The following RDH12 variants were observed in gnomAD, a reference collection of about 807,000 sequenced individuals.
RDH12 encodes all-trans and 9-cis retinol dehydrogenase.
A neutral mutation model predicts 34.0 loss-of-function variants in RDH12; 21 were observed. That is an observed-to-expected ratio of 0.62 (90% CI 0.44 to 0.89). RDH12 has a LOEUF of 0.89. Among genes scored for constraint, RDH12 ranks in the 40% least tolerant of loss-of-function variants. RDH12 has a pLI of 0.00. For synonymous variants in RDH12, 198 were observed against 169.9 expected, an observed-to-expected ratio of 1.17 and a Z score of -1.29; for missense variants, 394 against 398.6, an observed-to-expected ratio of 0.99 and a Z score of 0.10.
chr14:67,704,715 A>G lies in RDH12; in HGVS notation c.-275+2780A>G, dbSNP rs76336046. Among the ~76,000 whole-genome samples, 401 of 152,352 alleles carry G rather than the reference A, an allele frequency of 2.6e-3. 1 individual carries two copies. Among genetic ancestry groups the G allele is most frequent in the African/African-American group, 8.8e-3 (368 of 41,590 alleles). On this transcript the variant is annotated intron_variant, in intron 1 of 8. Transcript: ENST00000551171. Reference sequence around the variant, plus strand: ...AAGGTCTCACCCCAAATCACCAGGGAAACAATTTACAAAGCTTCTATTTTA... The same window carrying G: ...AAGGTCTCACCCCAAATCACCAGGGGAACAATTTACAAAGCTTCTATTTTA...
intron 7 of RDH12, among the ~76,000 whole-genome samples, chr14:67,728,986 T>C (rs539701533): frequency 8.5e-5 from 13 of 152,266 alleles, no homozygotes; most frequent in Middle Eastern, 3.4e-3. Context: ...TTTTGGAACA[T>C]AGAAGGCTGA....
chr14:67,713,261 C>CA (rs1299684433), intron 1 of RDH12, among the ~76,000 whole-genome samples: 1 of 146,942 alleles, frequency 6.8e-6, no homozygotes, highest in African/African-American at 2.5e-5. Flanking sequence ...AACAAACAAA[C>CA]AAACAAAAAA....
At chr14:67,716,155 C>CAG (rs1343901580) in intron 1 of RDH12, among the ~76,000 whole-genome samples, 2 of 151,234 alleles carry the variant, frequency 1.3e-5, no homozygotes, top group African/African-American at 4.9e-5. Flanking sequence ...CGAGATCACG[C>CAG]CACTGCACTC....
intron 8 of RDH12, among the ~76,000 whole-genome samples, chr14:67,730,788 G>T (rs1373673128): frequency 2.0e-5 from 3 of 152,042 alleles, no homozygotes; most frequent in African/African-American, 7.2e-5. Context: ...ATTTTTAGTC[G>T]AGATGGGCTT....
At position 67,727,376 on chromosome 14, in the gene RDH12, G is replaced by C. The variant is rs60476423; in HGVS notation, c.658+186G>C. 0.091 allele frequency: 55,888 copies of C among 615,380 alleles called. 2,740 individuals are homozygous for C. The highest frequency in any genetic ancestry group is 0.18 in the Middle Eastern group (421 of 2,304). The allele number at this position is 615,380 out of a possible 1,614,324, so 38.1% of individuals were successfully genotyped here. On this transcript the variant is annotated intron_variant, in intron 7 of 8. Transcript: ENST00000551171. ...CCCAGGGAGCTTAAAATCAAATAGG[G>C]GTTAAGAACCTCAAAAAGTTACCTT...
At chr14:67,728,338 T>G (rs1036915406) in intron 7 of RDH12, 1 of 152,344 alleles carries the variant, frequency 6.6e-6, no homozygotes, top group Admixed American at 6.5e-5. Flanking sequence ...GCAACATTCC[T>G]GTGAGGTGGG....
At chr14:67,730,312 C>T (rs1006097611) in intron 8 of RDH12, among the ~76,000 whole-genome samples, 2 of 152,210 alleles carry the variant, frequency 1.3e-5, no homozygotes, top group Non-Finnish European at 2.9e-5. Context: ...CCACTAGCCA[C>T]ATGTTGCTAT....
chr14:67,728,685 C>A (rs11846441), intron 7 of RDH12, among the ~76,000 whole-genome samples: 13 of 150,018 alleles, frequency 8.7e-5, no homozygotes, highest in East Asian at 2.0e-4. Flanking sequence ...AAATAGTGAC[C>A]GCACCAGGGA....
intron 5 of RDH12, 131 bp from the exon 6 acceptor site, chr14:67,725,920 T>C (rs780024438): frequency 5.3e-6 from 4 of 752,368 alleles, no homozygotes; most frequent in Non-Finnish European, 9.8e-6. Flanking sequence ...GCAGAGCAAG[T>C]GACTCCTATC....
intron 7 of RDH12, chr14:67,728,226 TAGA>T (rs1342456197): frequency 2.0e-5 from 3 of 152,312 alleles, no homozygotes; most frequent in Admixed American, 6.5e-5. Context: ...ATGCCTACAG[TAGA>T]AGAAGACGGT....
chr14:67,729,286 T>C lies in RDH12; in HGVS notation c.754T>C (p.Ser252Pro). Reference protein sequence around the residue: ...SLLCLLWRLFSPFVKTAREGA... With the variant: ...SLLCLLWRLFPPFVKTAREGA... The stretch of plus-strand genomic sequence containing the variant: ...GCTCTGCCTGCTCTGGCGGCTCTTC[T>C]CCCCCTTTGTCAAGACGGCACGGGA... The change falls in exon 8 of 9, where the codon TCC becomes CCC. Residue 252 changes from serine (S) to proline (P), a missense_variant. Coordinates refer to ENST00000551171, the MANE Select transcript of RDH12 (RefSeq NM_152443.3). 1 of 1,604,262 alleles carries C rather than the reference T, an allele frequency of 6.2e-7. No individual in the cohort carries two copies. The highest frequency in any genetic ancestry group is 8.5e-7 in the Non-Finnish European group (1 of 1,179,926).
intron 1 of RDH12, among the ~76,000 whole-genome samples, chr14:67,720,042 C>T (rs2038106072): frequency 6.6e-6 from 1 of 152,176 alleles, no homozygotes; most frequent in Non-Finnish European, 1.5e-5. Context: ...AATGGACTCT[C>T]CCACGAGCAA....
chr14:67,715,917 C>T (rs942818522), intron 1 of RDH12, among the ~76,000 whole-genome samples: 2 of 152,076 alleles, frequency 1.3e-5, no homozygotes, highest in African/African-American at 4.8e-5. Context: ...GCCTAGAGGC[C>T]GGGGGCAGTG....
chr14:67,704,845 A>G (rs1339180013), intron 1 of RDH12, among the ~76,000 whole-genome samples: 1 of 152,214 alleles, frequency 6.6e-6, no homozygotes, highest in Non-Finnish European at 1.5e-5. Flanking sequence ...ACCAGCTTTA[A>G]TAAACCAGAA....
intron 5 of RDH12, 145 bp downstream of exon 5, chr14:67,725,399 T>G: frequency 1.2e-6 from 1 of 849,252 alleles, no homozygotes; most frequent in Middle Eastern, 3.3e-4. Context: ...GGACAGGGAA[T>G]TGGCAAGAGG....
intron 1 of RDH12, among the ~76,000 whole-genome samples, chr14:67,705,568 A>G (rs1343913042): frequency 6.6e-6 from 1 of 152,234 alleles, no homozygotes; most frequent in Non-Finnish European, 1.5e-5. Flanking sequence ...ATCCTGGACC[A>G]GAAATAGGAC....
At chr14:67,710,009 C>T (rs2037992771) in intron 1 of RDH12, among the ~76,000 whole-genome samples, 1 of 152,176 alleles carries the variant, frequency 6.6e-6, no homozygotes, top group South Asian at 2.1e-4. Flanking sequence ...AGAATGTAAC[C>T]GTTTGTTTAC....
At chr14:67,724,385 GGATA>G in intron 3 of RDH12, 84 bp from the exon 4 acceptor site, 1 of 919,554 alleles carries the variant, frequency 1.1e-6, no homozygotes, top group Non-Finnish European at 1.7e-6. Context: ...CTTTGAGGCT[GGATA>G]GAGTTTTTTT....
At chr14:67,712,951 T>C (rs1370728643) in intron 1 of RDH12, among the ~76,000 whole-genome samples, 1 of 152,144 alleles carries the variant, frequency 6.6e-6, no homozygotes, top group African/African-American at 2.4e-5. Context: ...CTTTTTTGTG[T>C]GTGGGAATTT....
Sources: allele counts gnomAD v4.1 joint callset (sites outside exome capture counted in the v4.1 genomes callset), GRCh38; gene constraint gnomAD v4.1.1; transcripts MANE v1.5; gene names NCBI Gene and HGNC (gene_info 2026-07-23, HGNC 2026-07-21).